FAT1: variants seen among roughly 807,000 people sequenced by gnomAD.
FAT1 encodes protocadherin Fat 1.
A neutral mutation model predicts 329.8 loss-of-function variants in FAT1; 171 were observed. The ratio of observed to expected loss-of-function variants is 0.52; its 90% CI spans 0.46 to 0.59. FAT1 has a LOEUF of 0.59. FAT1 is among the 20% of genes least tolerant of loss of function. The pLI is 0.00. For missense variants in FAT1, 5,672 were observed against 5,774.4 expected (o/e 0.98, Z 0.57); for synonymous variants, 2,233 against 2,228.6 (o/e 1.00, Z -0.06).
At chr4:186,591,748 G>A (rs2015953) in intron 26 of FAT1, among the ~76,000 whole-genome samples, 2,900 of 152,272 alleles carry the variant, frequency 0.019, 91 homozygotes, top group African/African-American at 0.064. Flanking sequence ...GGCGTCATCA[G>A]TAACTATAAC....
At chr4:186,616,295 G>T (rs1739706756) in intron 11 of FAT1, among the ~76,000 whole-genome samples, 1 of 152,126 alleles carries the variant, frequency 6.6e-6, no homozygotes, top group Admixed American at 6.5e-5. Flanking sequence ...ACTGCCCACT[G>T]TAATCCAGTT....
intron 3 of FAT1, among the ~76,000 whole-genome samples, chr4:186,654,632 G>T (rs1359400170): frequency 2.0e-5 from 3 of 152,150 alleles, no homozygotes; most frequent in African/African-American, 7.2e-5. Flanking sequence ...TCTACAGGTT[G>T]GGCGCAGTGG....
chr4:186,645,131 C>T lies in FAT1; in HGVS notation c.3581-5348G>A, dbSNP rs145266541. Among the ~76,000 whole-genome samples, 690 of 151,952 alleles carry T rather than the reference C, an allele frequency of 4.5e-3. 2 individuals are homozygous for T. The highest frequency in any genetic ancestry group is 7.3e-3 in the Non-Finnish European group (494 of 67,970). The stretch of plus-strand genomic sequence containing the variant: ...AGAGAAGACACGTGGTCTAGTCATT[C>T]GTGCTGCTCCACCATTGCCTGACAT... On this transcript the variant is annotated intron_variant, in intron 3 of 26. Transcript: ENST00000441802.
intron 16 of FAT1, 63 bp downstream of exon 16, chr4:186,609,119 CA>C: frequency 6.4e-7 from 1 of 1,572,230 alleles, no homozygotes; most frequent in Admixed American, 1.7e-5. Context: ...GACAAGAGCA[CA>C]AGGCATTTCT....
At chr4:186,609,400 G>A in intron 15 of FAT1, 80 bp from the exon 16 acceptor site, 1 of 1,483,078 alleles carries the variant, frequency 6.7e-7, no homozygotes, top group Non-Finnish European at 9.1e-7. Context: ...GATATTAATA[G>A]CTTAGCTGTT....
chr4:186,590,401 A>C lies in FAT1; in HGVS notation c.13139-1181T>G, dbSNP rs529382843. ...TTGCTGAGGTCAGGAGCAGCCAAAG[A>C]TTCTTTTGGTGGCAGAGTAGAAAAA... On this transcript the variant is annotated intron_variant, in intron 26 of 26. Coordinates refer to ENST00000441802, the MANE Select transcript of FAT1 (RefSeq NM_005245.4). The C allele has an allele frequency of 2.2e-4, 278 of 1,289,428 alleles. 1 individual carries two copies. Among genetic ancestry groups the C allele is most frequent in the Non-Finnish European group, 2.7e-4 (268 of 988,658 alleles). The allele number at this position is 1,289,428 out of a possible 1,614,324, so 79.9% of individuals were successfully genotyped here.
Position 186,663,505 on chromosome 4 carries a change from A to G in FAT1, c.3374T>C (p.Ile1125Thr). Reference protein sequence around the residue: ...GVVPLSSFIEIYIEVEDVNDN... With the variant: ...GVVPLSSFIETYIEVEDVNDN... ...ATTGACATCCTCAACCTCTATGTAGATCTCTATGAACGATGAAAGAGGCAC... is the reference window on the plus strand; with the variant it reads ...ATTGACATCCTCAACCTCTATGTAGGTCTCTATGAACGATGAAAGAGGCAC... The change falls in exon 3 of 27, where the codon ATC becomes ACC. Residue 1125 changes from isoleucine to threonine, a missense_variant. Transcript: ENST00000441802. The G allele has an allele frequency of 3.1e-6, 5 of 1,614,018 alleles. No homozygotes were observed. Among genetic ancestry groups the G allele is most frequent in the Non-Finnish European group, 4.2e-6 (5 of 1,179,912 alleles).
At chr4:186,670,318 C>A (rs1354682277) in intron 2 of FAT1, among the ~76,000 whole-genome samples, 10 of 152,292 alleles carry the variant, frequency 6.6e-5, no homozygotes, top group South Asian at 4.1e-4. Context: ...GTATTAAAAG[C>A]TGCTTTGTTC....
intron 2 of FAT1, among the ~76,000 whole-genome samples, chr4:186,681,817 G>A (rs777731404): frequency 6.6e-6 from 1 of 152,142 alleles, no homozygotes; most frequent in Non-Finnish European, 1.5e-5. Context: ...AAACATGAAA[G>A]GACAATAAAA....
chr4:186,628,038 A>T, intron 9 of FAT1, 116 bp downstream of exon 9: 2 of 1,118,474 alleles, frequency 1.8e-6, no homozygotes, highest in Non-Finnish European at 2.5e-6. Context: ...AGATCAATTT[A>T]AGCCATTTTT....
At chr4:186,606,300 G>A (rs2126449398) in intron 16 of FAT1, 87 bp from the exon 17 acceptor site, 1 of 1,444,870 alleles carries the variant, frequency 6.9e-7, no homozygotes, top group Non-Finnish European at 9.4e-7. Flanking sequence ...AGTCCTGACG[G>A]GCAGGTCCCA....
intron 1 of FAT1, among the ~76,000 whole-genome samples, chr4:186,713,126 TACAGTCCATACTTC>T (rs367600485): frequency 0.013 from 1,940 of 151,956 alleles, 46 homozygotes; most frequent in African/African-American, 0.044. Context: ...CATCATCAAC[TACAGTCCATACTTC>T]ACTCAAATTT....
rs2126488747 is a variant in FAT1 at position 186,617,862 on chromosome 4, G to A, written c.8724C>T (p.Val2908=). The A allele has an allele frequency of 1.9e-6, 3 of 1,613,998 alleles. No homozygotes were observed. The East Asian group carries it at 6.7e-5, about 36-fold the overall frequency. The change falls in exon 10 of 27, where the codon GTC becomes GTT. Residue 2908 remains valine (V), a synonymous_variant. Transcript: ENST00000441802. The part of the protein sequence containing the change: ...LSSTAIVDVT[V]TDVNDSPPRF... ...GTGGTGGACTATCGTTGACATCGGT[G>A]ACGGTAACATCCACAATGGCTGTGG...
intron 1 of FAT1, among the ~76,000 whole-genome samples, chr4:186,722,749 A>C (rs1166361693): frequency 6.6e-6 from 1 of 152,226 alleles, no homozygotes; most frequent in East Asian, 1.9e-4. Context: ...TGCTTTTGAA[A>C]AGGAAATGAA....
At chr4:186,603,071 AAC>A in intron 19 of FAT1, 37 bp from the exon 20 acceptor site, 1 of 1,613,292 alleles carries the variant, frequency 6.2e-7, no homozygotes, top group Non-Finnish European at 8.5e-7. Context: ...AAAGATAATT[AAC>A]AGACATTTCA....
rs1398903205 is a variant in FAT1, at chr4:186,588,774, C to A, written c.13585G>T (p.Ala4529Ser). 6.2e-7 allele frequency: 1 copy of A among 1,613,982 alleles called. No homozygotes were observed. The highest frequency in any genetic ancestry group is 1.3e-5 in the African/African-American group (1 of 75,020). ...YPPGYQRHFE[A>S]PAVESMPMSV... The stretch of plus-strand genomic sequence containing the variant: ...ATGGGCATGCTCTCGACAGCGGGCG[C>A]CTCGAAGTGTCTTTGATACCCTGGC... The change falls in exon 27 of 27, where the codon GCG becomes TCG. Residue 4529 changes from alanine (A) to serine (S), a missense_variant. Physicochemically the swap from Ala to Ser is moderately conservative, Grantham distance 99. Transcript: ENST00000441802.
intron 18 of FAT1, 136 bp from the exon 19 acceptor site, chr4:186,604,113 T>C (rs1256672885): frequency 1.3e-6 from 1 of 745,938 alleles, no homozygotes; most frequent in African/African-American, 1.8e-5. Flanking sequence ...AAGAAACGTA[T>C]CAAAGAAAAG....
intron 2 of FAT1, among the ~76,000 whole-genome samples, chr4:186,683,264 C>T (rs533574650): frequency 1.3e-5 from 2 of 152,276 alleles, no homozygotes; most frequent in Non-Finnish European, 2.9e-5. Context: ...TGAAACTGTG[C>T]GTTCTTTTCT....
At chr4:186,714,125 G>T (rs942775164) in intron 1 of FAT1, among the ~76,000 whole-genome samples, 1 of 152,194 alleles carries the variant, frequency 6.6e-6, no homozygotes, top group African/African-American at 2.4e-5. Context: ...CAGTAAAATG[G>T]AAAAACCTGT....
Sources: gnomAD v4.1 joint callset for allele counts (sites outside exome capture counted in the v4.1 genomes callset) on GRCh38, gnomAD v4.1.1 for gene constraint, MANE v1.5 for transcripts, NCBI Gene and HGNC (gene_info 2026-07-23, HGNC 2026-07-21) for gene names.